The following TANGO6 variants were observed in gnomAD, a reference collection of about 807,000 sequenced individuals.
The protein encoded by TANGO6 is transport and Golgi organization protein 6 homolog.
TANGO6 carries 90 observed loss-of-function variants against 114.2 expected under a neutral mutation model. The ratio of observed to expected loss-of-function variants is 0.79; its 90% CI spans 0.66 to 0.94. The LOEUF is 0.94. Among genes scored for constraint, TANGO6 ranks in the 40% least tolerant of loss-of-function variants. The pLI is 0.00. For missense variants in TANGO6, 1,274 were observed against 1,315.3 expected (o/e 0.97, Z 0.49); for synonymous variants, 477 against 509.8 (o/e 0.94, Z 0.87).
At chr16:69,040,702 A>G (rs1959759553) in intron 17 of TANGO6, among the ~76,000 whole-genome samples, 1 of 152,140 alleles carries the variant, frequency 6.6e-6, no homozygotes. Flanking sequence ...TCATTGTTCC[A>G]AGGTGAGCTA....
intron 15 of TANGO6, among the ~76,000 whole-genome samples, chr16:69,003,935 CT>C (rs1393415290): frequency 2.0e-5 from 3 of 149,866 alleles, no homozygotes; most frequent in Non-Finnish European, 4.4e-5. Flanking sequence ...TGTTTTTTTT[CT>C]TTCTATCTTG....
intron 17 of TANGO6, among the ~76,000 whole-genome samples, chr16:69,066,700 A>C (rs936852902): frequency 6.6e-6 from 1 of 152,158 alleles, no homozygotes; most frequent in Admixed American, 6.6e-5. Flanking sequence ...ATGATAGTGA[A>C]ATACTCTCAC....
intron 4 of TANGO6, among the ~76,000 whole-genome samples, chr16:68,870,446 C>T (rs956258587): frequency 6.6e-6 from 1 of 152,142 alleles, no homozygotes; most frequent in Admixed American, 6.6e-5. Context: ...AATGAAATAA[C>T]AAATGATCAG....
intron 15 of TANGO6, among the ~76,000 whole-genome samples, chr16:69,002,693 C>T (rs774479162): frequency 1.8e-4 from 27 of 152,016 alleles, no homozygotes; most frequent in Admixed American, 2.0e-4. Context: ...TGGACTAATA[C>T]GTTGGGTATC....
chr16:68,939,971 T>TG (rs1210108256), intron 14 of TANGO6, among the ~76,000 whole-genome samples: 1 of 152,146 alleles, frequency 6.6e-6, no homozygotes, highest in Non-Finnish European at 1.5e-5. Context: ...GTGTAGCACC[T>TG]GAGCTGGATT....
At chr16:68,961,566 TTAA>T (rs1963591250) in intron 14 of TANGO6, among the ~76,000 whole-genome samples, 1 of 152,384 alleles carries the variant, frequency 6.6e-6, no homozygotes, top group East Asian at 1.9e-4. Context: ...TTTGTATTTA[TTAA>T]TAATATTTCA....
chr16:68,895,071 A>G (rs1237374240), intron 7 of TANGO6, among the ~76,000 whole-genome samples: 1 of 152,174 alleles, frequency 6.6e-6, no homozygotes, highest in Non-Finnish European at 1.5e-5. Context: ...AGGAACAAAA[A>G]TGCTTCACCT....
chr16:68,935,603 T>C (rs1641511403), intron 14 of TANGO6, among the ~76,000 whole-genome samples: 1 of 152,316 alleles, frequency 6.6e-6, no homozygotes, highest in Admixed American at 6.5e-5. Context: ...TTCTAGCAGC[T>C]TCTCCCAGGT....
At position 68,987,663 on chromosome 16, in the gene TANGO6, C is replaced by T. The variant is rs1449434901; in HGVS notation, c.2842+13495C>T. ...GGAATTATAGGCATGAGCCACTGCA[C>T]CCAGCCTTTAAATTGTTTATATACT... is the stretch of plus-strand genomic sequence containing the variant. On this transcript the variant is annotated intron_variant, in intron 15 of 17. Transcript: ENST00000261778. Among the ~76,000 whole-genome samples the T allele has an allele frequency of 2.6e-5, 4 of 152,194 alleles. No individual in the cohort carries two copies. The East Asian group carries it at 5.8e-4, about 22-fold the overall frequency.
intron 15 of TANGO6, among the ~76,000 whole-genome samples, chr16:69,011,062 A>G (rs186831136): frequency 6.6e-6 from 1 of 152,348 alleles, no homozygotes; most frequent in African/African-American, 2.4e-5. Flanking sequence ...GAATGTGTGT[A>G]AAGTTCTGAT....
intron 6 of TANGO6, among the ~76,000 whole-genome samples, chr16:68,879,981 A>G (rs1389718678): frequency 1.4e-5 from 2 of 140,444 alleles, no homozygotes; most frequent in East Asian, 4.4e-4. Context: ...ATGAAAAAAA[A>G]TTTTTTTTTG....
chr16:69,075,731 G>A (rs1283784620), intron 17 of TANGO6, among the ~76,000 whole-genome samples: 1 of 151,066 alleles, frequency 6.6e-6, no homozygotes. Flanking sequence ...CGGGATTACA[G>A]GCATAAGCCA....
intron 1 of TANGO6, among the ~76,000 whole-genome samples, chr16:68,845,393 T>C (rs2152147611): frequency 6.6e-6 from 1 of 152,336 alleles, no homozygotes; most frequent in East Asian, 1.9e-4. Context: ...TATGAGTATG[T>C]GGTGGAGTAC....
intron 14 of TANGO6, among the ~76,000 whole-genome samples, chr16:68,962,592 T>C (rs1227985394): frequency 6.6e-6 from 1 of 152,114 alleles, no homozygotes; most frequent in Non-Finnish European, 1.5e-5. Flanking sequence ...AGAAACCTTT[T>C]CTTTACTAAA....
chr16:69,046,279 C>T (rs1037615540), intron 17 of TANGO6, among the ~76,000 whole-genome samples: 8 of 151,210 alleles, frequency 5.3e-5, no homozygotes, highest in African/African-American at 7.3e-5. Flanking sequence ...TCAACTAAGA[C>T]GAACCTCAAG....
At chr16:69,007,257 CTTTT>C (rs1487279394) in intron 15 of TANGO6, 1 of 133,642 alleles carries the variant, frequency 7.5e-6, no homozygotes, top group African/African-American at 2.8e-5. Context: ...ATTTTTTTTT[CTTTT>C]TTCTTTTCTT....
chr16:68,962,761 C>CA (rs1223815470), intron 14 of TANGO6, among the ~76,000 whole-genome samples: 4 of 149,144 alleles, frequency 2.7e-5, no homozygotes, highest in African/African-American at 7.4e-5. Flanking sequence ...AACTCTGTCT[C>CA]AAAAAAATAA....
At chr16:68,950,019 A>G (rs1484228258) in intron 14 of TANGO6, among the ~76,000 whole-genome samples, 3 of 152,210 alleles carry the variant, frequency 2.0e-5, no homozygotes, top group Non-Finnish European at 4.4e-5. Context: ...AAATATGGTA[A>G]GGAAAAGAAG....
intron 17 of TANGO6, among the ~76,000 whole-genome samples, chr16:69,052,494 G>A (rs1024046619): frequency 1.3e-5 from 2 of 151,826 alleles, no homozygotes; most frequent in Admixed American, 6.6e-5. Context: ...GTCAAGACCT[G>A]AGCTTGAGCC....
Sources: allele counts gnomAD v4.1 joint callset (sites outside exome capture counted in the v4.1 genomes callset), GRCh38; gene constraint gnomAD v4.1.1; transcripts MANE v1.5; gene names NCBI Gene and HGNC (gene_info 2026-07-23, HGNC 2026-07-21).